FNDC3A: variants seen among roughly 807,000 people sequenced by gnomAD.
FNDC3A encodes the protein fibronectin type-III domain-containing protein 3A.
In FNDC3A, 32 loss-of-function variants were observed where a neutral mutation model predicts 148.9. The ratio of observed to expected loss-of-function variants is 0.21; its 90% CI spans 0.16 to 0.29. The LOEUF is 0.29. Among genes scored for constraint, FNDC3A ranks in the 10% least tolerant of loss-of-function variants. The pLI, the probability that FNDC3A is intolerant of heterozygous loss-of-function variation, is 1.00. For synonymous variants in FNDC3A, 472 were observed against 473.6 expected, an observed-to-expected ratio of 1.00 and a Z score of 0.04; for missense variants, 1,191 against 1,452.8, an observed-to-expected ratio of 0.82 and a Z score of 2.93.
intron 8 of FNDC3A, among the ~76,000 whole-genome samples, chr13:49,149,626 G>A (rs1223771161): frequency 6.6e-6 from 1 of 152,084 alleles, no homozygotes; most frequent in Non-Finnish European, 1.5e-5. Context: ...TCGTGTCCGT[G>A]TTTATCAAGG....
At chr13:49,071,703 C>T (rs1877704253) in intron 2 of FNDC3A, among the ~76,000 whole-genome samples, 1 of 146,842 alleles carries the variant, frequency 6.8e-6, no homozygotes, top group Non-Finnish European at 1.5e-5. Context: ...AGATCTTTTG[C>T]CTATTTTTAA....
chr13:49,196,579 T>C (rs1232255133), intron 19 of FNDC3A, among the ~76,000 whole-genome samples: 2 of 152,226 alleles, frequency 1.3e-5, no homozygotes, highest in African/African-American at 4.8e-5. Flanking sequence ...ATATTTCTCC[T>C]GAATTATTCC....
chr13:48,983,446 A>T (rs2137548703), intron 1 of FNDC3A, among the ~76,000 whole-genome samples: 1 of 152,328 alleles, frequency 6.6e-6, no homozygotes, highest in East Asian at 1.9e-4. Flanking sequence ...ATTGTGGACC[A>T]TATGGGCTCA....
chr13:49,121,080 A>G (rs1327471210), intron 4 of FNDC3A, among the ~76,000 whole-genome samples: 1 of 152,192 alleles, frequency 6.6e-6, no homozygotes, highest in Middle Eastern at 3.2e-3. Flanking sequence ...TCTAAAACTC[A>G]CCACATAATT....
chr13:49,021,757 A>G (rs2137643060), intron 2 of FNDC3A, among the ~76,000 whole-genome samples: 1 of 152,266 alleles, frequency 6.6e-6, no homozygotes, highest in Admixed American at 6.5e-5. Flanking sequence ...GGAGCAATGG[A>G]TTTTTGGAGG....
intron 4 of FNDC3A, among the ~76,000 whole-genome samples, chr13:49,126,964 C>A (rs1237937096): frequency 6.6e-6 from 1 of 152,130 alleles, no homozygotes; most frequent in African/African-American, 2.4e-5. Context: ...GGGAAGAGTT[C>A]ATGGAGGAAC....
intron 2 of FNDC3A, among the ~76,000 whole-genome samples, chr13:49,056,264 T>C (rs1876235786): frequency 6.6e-6 from 1 of 152,110 alleles, no homozygotes; most frequent in African/African-American, 2.4e-5. Context: ...GCAATCCTCC[T>C]GCCTCAGCCT....
intron 2 of FNDC3A, among the ~76,000 whole-genome samples, chr13:49,058,598 C>A (rs369995162): frequency 1.4e-4 from 21 of 152,100 alleles, no homozygotes; most frequent in African/African-American, 4.8e-4. Context: ...AGCAAGATGG[C>A]GGTCTTCCGT....
At position 49,125,642 on chromosome 13, in the gene FNDC3A, A is replaced by G. The variant is rs1236364029; in HGVS notation, c.253-5495A>G. Among the ~76,000 whole-genome samples, 12 of 152,238 alleles carry G rather than the reference A, an allele frequency of 7.9e-5. 1 individual carries two copies. The South Asian group carries it at 2.5e-3, about 32-fold the overall frequency. ...AGCATTCTGTTAGTGCTAAAAGAACACATATATTTCTGATCATATCATTCA... is the reference window on the plus strand; with the variant it reads ...AGCATTCTGTTAGTGCTAAAAGAACGCATATATTTCTGATCATATCATTCA... On this transcript the variant is annotated intron_variant, in intron 4 of 25. Transcript: ENST00000492622.
At chr13:49,185,167 A>G (rs1230572336) in intron 14 of FNDC3A, among the ~76,000 whole-genome samples, 1 of 152,210 alleles carries the variant, frequency 6.6e-6, no homozygotes, top group East Asian at 1.9e-4. Context: ...GAGAAAATGT[A>G]ACAATACAGG....
At chr13:49,144,735 C>T (rs9535156) in intron 7 of FNDC3A, among the ~76,000 whole-genome samples, 89,985 of 152,012 alleles carry the variant, frequency 0.59, 27,922 homozygotes, top group Non-Finnish European at 0.68. Context: ...CTCTGCGTCT[C>T]ACCACACTTA....
intron 4 of FNDC3A, among the ~76,000 whole-genome samples, chr13:49,120,301 A>C (rs1301123498): frequency 6.6e-6 from 1 of 152,152 alleles, no homozygotes; most frequent in African/African-American, 2.4e-5. Flanking sequence ...GAGAGATTTC[A>C]TCACCACCAG....
intron 2 of FNDC3A, among the ~76,000 whole-genome samples, chr13:49,021,693 G>A (rs1873337155): frequency 6.6e-6 from 1 of 152,060 alleles, no homozygotes; most frequent in African/African-American, 2.4e-5. Flanking sequence ...AATTTCTAGA[G>A]TTCCAAAAAA....
At chr13:49,184,355 A>G (rs761393953) in intron 14 of FNDC3A, among the ~76,000 whole-genome samples, 1 of 152,228 alleles carries the variant, frequency 6.6e-6, no homozygotes, top group Non-Finnish European at 1.5e-5. Context: ...AAGGGCAAGA[A>G]TGTACACTGG....
intron 23 of FNDC3A, among the ~76,000 whole-genome samples, chr13:49,199,896 AT>A (rs1423240674): frequency 6.6e-6 from 1 of 152,176 alleles, no homozygotes; most frequent in Non-Finnish European, 1.5e-5. Flanking sequence ...TCACATCTTC[AT>A]GTACATGTTG....
chr13:49,039,574 G>A (rs375999809), intron 2 of FNDC3A, among the ~76,000 whole-genome samples: 3 of 151,830 alleles, frequency 2.0e-5, no homozygotes, highest in African/African-American at 2.4e-5. Context: ...CTTTTTTATC[G>A]TTTATTAAGA....
chr13:49,027,925 A>G (rs572541600), intron 2 of FNDC3A, among the ~76,000 whole-genome samples: 1 of 152,154 alleles, frequency 6.6e-6, no homozygotes, highest in African/African-American at 2.4e-5. Context: ...GACCAAATGG[A>G]TAAAAATTCA....
At chr13:49,121,777 A>AC (rs930642367) in intron 4 of FNDC3A, among the ~76,000 whole-genome samples, 10 of 152,136 alleles carry the variant, frequency 6.6e-5, no homozygotes, top group South Asian at 2.1e-4. Context: ...GGACGCATAC[A>AC]CCCCCCCAAA....
At chr13:49,079,108 C>T (rs909448976) in intron 3 of FNDC3A, among the ~76,000 whole-genome samples, 1 of 152,132 alleles carries the variant, frequency 6.6e-6, no homozygotes, top group Non-Finnish European at 1.5e-5. Flanking sequence ...AATTACCTTA[C>T]TTTATTGGAG....
Sources: gnomAD v4.1 joint callset for allele counts (sites outside exome capture counted in the v4.1 genomes callset) on GRCh38, gnomAD v4.1.1 for gene constraint, MANE v1.5 for transcripts, NCBI Gene and HGNC (gene_info 2026-07-23, HGNC 2026-07-21) for gene names.